Variants in RNF6 observed in about 807,000 individuals in gnomAD.
RNF6 encodes E3 ubiquitin-protein ligase RNF6.
A neutral mutation model predicts 50.1 loss-of-function variants in RNF6; 21 were observed. The ratio of observed to expected loss-of-function variants is 0.42; its 90% CI spans 0.30 to 0.60. The LOEUF (loss-of-function observed/expected upper bound fraction) is 0.60, where lower values mean the gene tolerates loss of function less well. RNF6 is among the 20% of genes least tolerant of loss of function. The pLI is 0.20. For synonymous variants in RNF6, 255 were observed against 291.8 expected, an observed-to-expected ratio of 0.87 and a Z score of 1.29; for missense variants, 698 against 838.2, an observed-to-expected ratio of 0.83 and a Z score of 2.07.
At position 26,219,632 on chromosome 13, in the gene RNF6, C is replaced by G; in HGVS notation, c.18G>C (p.Ser6=). 6.2e-7 allele frequency: 1 copy of G among 1,613,352 alleles called. No homozygotes were observed. The highest frequency in any genetic ancestry group is 8.5e-7 in the Non-Finnish European group (1 of 1,179,884). ...TTTCTTCACTGCCACCATCTGATCT[C>G]GATCTAGACTGATTCATCCTGAGAT... MNQSR[S]RSDGGSEETL... Residue 6 remains serine (S), a synonymous_variant, in exon 3 of 5, where the codon TCG becomes TCC. Transcript: ENST00000381588.
At chr13:26,198,532 C>A (rs1008975485) in intron 5 of RNF6, among the ~76,000 whole-genome samples, 4 of 151,862 alleles carry the variant, frequency 2.6e-5, no homozygotes, top group African/African-American at 9.7e-5. Context: ...TCTATGAAAA[C>A]CCTAGAGCTA....
At chr13:26,149,684 G>A in intron 5 of RNF6, among the ~76,000 whole-genome samples, 1 of 151,516 alleles carries the variant, frequency 6.6e-6, no homozygotes, top group East Asian at 1.9e-4. Flanking sequence ...GCCCTTACAT[G>A]ACTCCCTTGA....
At chr13:26,196,609 G>A (rs779925984) in intron 5 of RNF6, among the ~76,000 whole-genome samples, 5 of 151,390 alleles carry the variant, frequency 3.3e-5, no homozygotes, top group Admixed American at 6.6e-5. Flanking sequence ...CTCTAGCCTG[G>A]GTGACAGAGT....
At chr13:26,203,330 T>C (rs1304759389) in intron 5 of RNF6, among the ~76,000 whole-genome samples, 1 of 152,202 alleles carries the variant, frequency 6.6e-6, no homozygotes, top group South Asian at 2.1e-4. Context: ...CTGATGGCAA[T>C]TGGGATCAAG....
At chr13:26,210,016 ATTCAGGGACT>A (rs1455905728), downstream of RNF6, among the ~76,000 whole-genome samples, 2 of 152,242 alleles carry the variant, frequency 1.3e-5, no homozygotes, top group Non-Finnish European at 2.9e-5. Context: ...GGGCAAATAT[ATTCAGGGACT>A]AACACACTCA....
intron 5 of RNF6, among the ~76,000 whole-genome samples, chr13:26,182,983 T>C (rs1038747299): frequency 2.0e-5 from 3 of 152,198 alleles, no homozygotes; most frequent in Non-Finnish European, 4.4e-5. Context: ...GGGAGATTTG[T>C]ACCCTTTGGA....
intron 5 of RNF6, among the ~76,000 whole-genome samples, chr13:26,188,678 A>G (rs1470528988): frequency 8.9e-6 from 1 of 112,468 alleles, no homozygotes; most frequent in Admixed American, 1.3e-4. Flanking sequence ...CTCTGTTGCC[A>G]GGCTGGAGTG....
chr13:26,182,149 C>T (rs914544054), intron 5 of RNF6, among the ~76,000 whole-genome samples: 1 of 152,162 alleles, frequency 6.6e-6, no homozygotes, highest in African/African-American at 2.4e-5. Flanking sequence ...AGAGGACACA[C>T]AAAATACTTT....
At chr13:26,175,084 C>A (rs1436707478) in intron 5 of RNF6, among the ~76,000 whole-genome samples, 1 of 151,954 alleles carries the variant, frequency 6.6e-6, no homozygotes, top group Non-Finnish European at 1.5e-5. Flanking sequence ...GCGTCCGGTG[C>A]CTTTTTATTT....
chr13:26,221,904 A>G (rs907226440), intron 1 of RNF6, 99 bp downstream of exon 1: 2 of 152,440 alleles, frequency 1.3e-5, no homozygotes, highest in Admixed American at 1.3e-4. Flanking sequence ...GAAGGCAGTT[A>G]ACCAATCGGA....
intron 5 of RNF6, among the ~76,000 whole-genome samples, chr13:26,187,863 A>G (rs774971205): frequency 2.6e-5 from 4 of 152,226 alleles, no homozygotes; most frequent in Non-Finnish European, 5.9e-5. Flanking sequence ...AGCTGGGACT[A>G]CAGGCGTGTG....
intron 5 of RNF6, among the ~76,000 whole-genome samples, chr13:26,207,154 C>T (rs920043026): frequency 6.7e-6 from 1 of 149,360 alleles, no homozygotes; most frequent in Non-Finnish European, 1.5e-5. Context: ...CCTGAGGTGA[C>T]AGTTAAAGGA....
chr13:26,168,881 T>C (rs1872564416), intron 5 of RNF6, among the ~76,000 whole-genome samples: 1 of 152,176 alleles, frequency 6.6e-6, no homozygotes, highest in Non-Finnish European at 1.5e-5. Context: ...CGCACAGCTG[T>C]AGTCCCAGCT....
At chr13:26,197,791 C>T (rs1299505957) in intron 5 of RNF6, among the ~76,000 whole-genome samples, 2 of 151,750 alleles carry the variant, frequency 1.3e-5, no homozygotes, top group African/African-American at 2.4e-5. Flanking sequence ...TTTGGGAGGC[C>T]GAGGTGGGCA....
At chr13:26,148,251 A>G (rs1871355727) in intron 5 of RNF6, among the ~76,000 whole-genome samples, 2 of 151,858 alleles carry the variant, frequency 1.3e-5, no homozygotes, top group Non-Finnish European at 2.9e-5. Context: ...TGATCCAATC[A>G]CCTCCTACCA....
chr13:26,140,232 C>CA (rs889747768), intron 5 of RNF6, among the ~76,000 whole-genome samples: 4 of 152,144 alleles, frequency 2.6e-5, no homozygotes, highest in Middle Eastern at 3.4e-3. Context: ...GGTGTTAAAA[C>CA]AAAAACTTCA....
At chr13:26,190,705 T>C (rs17435452) in intron 5 of RNF6, among the ~76,000 whole-genome samples, 3,896 of 152,340 alleles carry the variant, frequency 0.026, 59 homozygotes, top group Middle Eastern at 0.071. Flanking sequence ...TATTCATCAA[T>C]TGAACATTTG....
chr13:26,150,393 ACT>A (rs1248793890), intron 5 of RNF6, among the ~76,000 whole-genome samples: 1 of 152,072 alleles, frequency 6.6e-6, no homozygotes, highest in Non-Finnish European at 1.5e-5. Flanking sequence ...GAGGAAGGAG[ACT>A]CTGCAAGAGT....
At chr13:26,142,121 T>TA (rs1252993494) in intron 5 of RNF6, among the ~76,000 whole-genome samples, 1 of 151,868 alleles carries the variant, frequency 6.6e-6, no homozygotes, top group Non-Finnish European at 1.5e-5. Context: ...ACCAAACATA[T>TA]AAAAAATACT....
Sources: allele counts gnomAD v4.1 joint callset (sites outside exome capture counted in the v4.1 genomes callset), GRCh38; gene constraint gnomAD v4.1.1; transcripts MANE v1.5; gene names NCBI Gene and HGNC (gene_info 2026-07-23, HGNC 2026-07-21).